ASIC2: variants seen among roughly 807,000 people sequenced by gnomAD.
ASIC2 encodes acid sensing ion channel subunit 2, also known as acid-sensing ion channel 2.
ASIC2 carries 25 observed loss-of-function variants against 57.3 expected under a neutral mutation model. That is an observed-to-expected ratio of 0.44 (90% confidence interval 0.32 to 0.61). ASIC2 has a LOEUF of 0.61. Among genes scored for constraint, ASIC2 ranks in the 20% least tolerant of loss-of-function variants. The probability of loss-of-function intolerance (pLI) is 0.06; values close to 1 mark genes in which losing one functional copy is unlikely to be tolerated. For synonymous variants in ASIC2, 319 were observed against 307.5 expected, an observed-to-expected ratio of 1.04 and a Z score of -0.39; for missense variants, 641 against 738.1, an observed-to-expected ratio of 0.87 and a Z score of 1.52.
chr17:33,509,955 A>G (rs1269869940), intron 1 of ASIC2, among the ~76,000 whole-genome samples: 1 of 152,232 alleles, frequency 6.6e-6, no homozygotes, highest in East Asian at 1.9e-4. Flanking sequence ...GGGAAAATTC[A>G]GCTTAAGAGT....
chr17:34,036,368 G>A (rs941647815), intron 1 of ASIC2, among the ~76,000 whole-genome samples: 10 of 115,032 alleles, frequency 8.7e-5, no homozygotes, highest in Non-Finnish European at 6.6e-5. Context: ...TCTGGGGACT[G>A]TTGTGGGGTG....
chr17:33,203,453 G>T (rs1906953640), intron 1 of ASIC2, among the ~76,000 whole-genome samples: 2 of 152,178 alleles, frequency 1.3e-5, no homozygotes, highest in African/African-American at 4.8e-5. Context: ...ATGATGCGAA[G>T]AAATGTTTTC....
At chr17:33,184,574 T>C (rs1267422061) in intron 1 of ASIC2, among the ~76,000 whole-genome samples, 1 of 152,166 alleles carries the variant, frequency 6.6e-6, no homozygotes, top group African/African-American at 2.4e-5. Flanking sequence ...GATCATCTGG[T>C]CAGAGCAGTG....
intron 1 of ASIC2, among the ~76,000 whole-genome samples, chr17:33,922,904 G>A (rs746428394): frequency 4.0e-4 from 61 of 152,228 alleles, no homozygotes; most frequent in Non-Finnish European, 5.9e-4. Flanking sequence ...GGGATCTCTT[G>A]TCCTACCCAC....
chr17:33,882,618 C>T (rs1245384744), intron 1 of ASIC2, among the ~76,000 whole-genome samples: 1 of 152,170 alleles, frequency 6.6e-6, no homozygotes, highest in Non-Finnish European at 1.5e-5. Flanking sequence ...ACAACAGGTG[C>T]TGGAGAGGAT....
chr17:33,471,195 T>A (rs1164439553), intron 1 of ASIC2, among the ~76,000 whole-genome samples: 1 of 152,210 alleles, frequency 6.6e-6, no homozygotes, highest in Non-Finnish European at 1.5e-5. Flanking sequence ...AAAAAAAATA[T>A]TGCTCACAGG....
At chr17:33,118,027 A>G (rs1212972491) in intron 1 of ASIC2, among the ~76,000 whole-genome samples, 1 of 152,180 alleles carries the variant, frequency 6.6e-6, no homozygotes, top group African/African-American at 2.4e-5. Flanking sequence ...AGGGTAGCCA[A>G]TGGGATTCCT....
At chr17:33,251,759 T>C (rs765321331) in intron 1 of ASIC2, among the ~76,000 whole-genome samples, 3 of 152,206 alleles carry the variant, frequency 2.0e-5, no homozygotes, top group Non-Finnish European at 2.9e-5. Context: ...CTCAATGTCA[T>C]ACAGCTAATA....
intron 1 of ASIC2, among the ~76,000 whole-genome samples, chr17:33,134,701 C>CA (rs1262732339): frequency 2.0e-5 from 3 of 152,234 alleles, no homozygotes; most frequent in African/African-American, 7.2e-5. Flanking sequence ...AGAGAGCCCT[C>CA]AACCTGGGTT....
chr17:33,540,440 A>T (rs1233636647), intron 1 of ASIC2, among the ~76,000 whole-genome samples: 1 of 151,746 alleles, frequency 6.6e-6, no homozygotes, highest in Non-Finnish European at 1.5e-5. Context: ...TCATCACAGC[A>T]CTTCCCAAAG....
At chr17:33,436,889 G>T (rs568806291) in intron 1 of ASIC2, among the ~76,000 whole-genome samples, 1 of 94,902 alleles carries the variant, frequency 1.1e-5, no homozygotes, top group Admixed American at 1.4e-4. Context: ...TTTTTGAGAC[G>T]GAGTCTCGCT....
intron 2 of ASIC2, 100 bp from the exon 3 acceptor site, chr17:33,089,090 G>A: frequency 6.7e-7 from 1 of 1,497,900 alleles, no homozygotes. Flanking sequence ...AAGACCCTGT[G>A]ATAAGCAGAA....
At chr17:33,174,076 G>A (rs1905639845) in intron 1 of ASIC2, among the ~76,000 whole-genome samples, 1 of 152,152 alleles carries the variant, frequency 6.6e-6, no homozygotes, top group African/African-American at 2.4e-5. Flanking sequence ...AAAGAATAGA[G>A]GCAGACTTCC....
chr17:33,879,737 G>C (rs1415894440), intron 1 of ASIC2, among the ~76,000 whole-genome samples: 1 of 152,162 alleles, frequency 6.6e-6, no homozygotes, highest in East Asian at 1.9e-4. Context: ...ATTGAATTCA[G>C]CTCCGCACCA....
chr17:33,292,106 TC>T lies in ASIC2; in HGVS notation c.9del (p.Ile4LeufsTer58). ...GCTGCGGGCAGCCCGGCTCCGCCAA[TC>T]CGGCTCATTCATTCAGCCCGCGGCT... is the stretch of plus-strand genomic sequence containing the variant. MS[R>X]IGGAGLPAAA... On this transcript the variant is annotated frameshift_variant, in exon 1 of 10. Coordinates refer to ENST00000225823, the MANE Select transcript of ASIC2 (RefSeq NM_183377.2). LOFTEE classifies it high-confidence loss of function. 2.9e-6 allele frequency: 3 copies of T among 1,043,060 alleles called. No homozygotes were observed. In the South Asian group the frequency reaches 1.3e-4, roughly 47 times the overall value. The allele number at this position is 1,043,060 out of a possible 1,614,324, so 64.6% of individuals were successfully genotyped here.
intron 1 of ASIC2, among the ~76,000 whole-genome samples, chr17:34,053,454 C>A (rs148922065): frequency 1.3e-5 from 2 of 152,224 alleles, no homozygotes; most frequent in East Asian, 3.9e-4. Flanking sequence ...AATCATTTCC[C>A]AGGTTATAAG....
intron 1 of ASIC2, among the ~76,000 whole-genome samples, chr17:34,033,863 T>C (rs1907738602): frequency 6.6e-6 from 1 of 152,232 alleles, no homozygotes; most frequent in Non-Finnish European, 1.5e-5. Context: ...ATTGAGGCAA[T>C]AATCAATAGC....
intron 1 of ASIC2, among the ~76,000 whole-genome samples, chr17:33,703,511 C>A (rs750110719): frequency 6.6e-6 from 1 of 151,982 alleles, no homozygotes; most frequent in Non-Finnish European, 1.5e-5. Context: ...AGCCACCATG[C>A]CCGACTAATT....
chr17:33,576,224 C>T (rs2141995219), intron 1 of ASIC2, among the ~76,000 whole-genome samples: 1 of 152,292 alleles, frequency 6.6e-6, no homozygotes, highest in Admixed American at 6.5e-5. Context: ...CCCCTGATTC[C>T]TTGCACTTGT....
Sources: allele counts gnomAD v4.1 joint callset (sites outside exome capture counted in the v4.1 genomes callset), GRCh38; gene constraint gnomAD v4.1.1; transcripts MANE v1.5; gene names NCBI Gene and HGNC (gene_info 2026-07-23, HGNC 2026-07-21).